The following YEATS2 variants were observed in gnomAD, a reference collection of about 807,000 sequenced individuals.
YEATS2 encodes YEATS domain-containing protein 2.
Under a neutral mutation model 163.2 loss-of-function variants are expected in YEATS2, and 77 were observed. That is an observed-to-expected ratio of 0.47 (90% confidence interval 0.39 to 0.57). The LOEUF (loss-of-function observed/expected upper bound fraction) is 0.57. Ranked by LOEUF, YEATS2 falls within the 20% of genes least tolerant of loss-of-function variation. The pLI, the probability that YEATS2 is intolerant of heterozygous loss-of-function variation, is 0.00. For missense variants in YEATS2, 1,549 were observed against 1,729.8 expected (o/e 0.90, Z 1.85); for synonymous variants, 631 against 645.1 (o/e 0.98, Z 0.33).
rs932731747 is a variant in YEATS2, at chr3:183,810,710, C to A, written c.*127C>A. 3 of 789,792 alleles carry A rather than the reference C, an allele frequency of 3.8e-6. No homozygotes were observed. Among genetic ancestry groups the A allele is most frequent in the Non-Finnish European group, 6.3e-6 (3 of 478,074 alleles). The allele number at this position is 789,792 out of a possible 1,614,324, so 48.9% of individuals were successfully genotyped here. On this transcript the variant is annotated 3_prime_UTR_variant, in exon 31 of 31. Transcript: ENST00000305135. ...CATGTCATGGCTACCCAACCTTTGC[C>A]GCTGCCTGTTCCCACGTGTCACCAG...
chr3:183,705,693 G>A (rs1714547204), intron 1 of YEATS2, among the ~76,000 whole-genome samples: 1 of 151,930 alleles, frequency 6.6e-6, no homozygotes, highest in Admixed American at 6.6e-5. Flanking sequence ...CTAATGTAAG[G>A]TAGTAGTTAT....
intron 1 of YEATS2, among the ~76,000 whole-genome samples, chr3:183,712,055 T>C (rs1261783723): frequency 6.6e-6 from 1 of 151,528 alleles, no homozygotes; most frequent in African/African-American, 2.4e-5. Context: ...CCTGACCTCA[T>C]GATCCGCCTA....
Position 183,719,267 on chromosome 3 carries a change from C to G in YEATS2, c.291+675C>G, listed in dbSNP as rs144345433. Among the ~76,000 whole-genome samples the G allele has an allele frequency of 1.5e-4, 22 of 151,590 alleles. No homozygotes were observed. In the East Asian group the frequency reaches 3.1e-3, roughly 21 times the overall value. Reference sequence around the variant, plus strand: ...TCTTCTGCCTCAGCCTCCCAAGTAGCTGGGATTACAGGCATGCGCCACCAT... The same window carrying G: ...TCTTCTGCCTCAGCCTCCCAAGTAGGTGGGATTACAGGCATGCGCCACCAT... On this transcript the variant is annotated intron_variant, in intron 4 of 30. Transcript: ENST00000305135.
chr3:183,727,306 G>A (rs1176284377), intron 6 of YEATS2, among the ~76,000 whole-genome samples: 1 of 152,126 alleles, frequency 6.6e-6, no homozygotes, highest in Non-Finnish European at 1.5e-5. Flanking sequence ...AAAGAGATAA[G>A]AAACTATTAA....
At chr3:183,725,242 G>A (rs560460886) in intron 6 of YEATS2, among the ~76,000 whole-genome samples, 2 of 152,076 alleles carry the variant, frequency 1.3e-5, no homozygotes, top group East Asian at 3.9e-4. Context: ...TAGAGAAGAG[G>A]CAGTATAATA....
rs1725928689 is a variant in YEATS2, at chr3:183,803,924, A to G, written c.3583-63A>G. The G allele has an allele frequency of 4.5e-6, 7 of 1,550,760 alleles. No homozygotes were observed. The South Asian group carries it at 8.0e-5, about 18-fold the overall frequency. ...TAGGATGGTGATTTATGGTTGCATGATACGTAGTTGTGTTAAGTGGAAGGA... is the reference window on the plus strand; with the variant it reads ...TAGGATGGTGATTTATGGTTGCATGGTACGTAGTTGTGTTAAGTGGAAGGA... On this transcript the variant is annotated intron_variant, in intron 26 of 30. Transcript: ENST00000305135.
intron 10 of YEATS2, 112 bp from the exon 11 acceptor site, chr3:183,754,014 A>G: frequency 7.5e-7 from 1 of 1,336,628 alleles, no homozygotes; most frequent in Admixed American, 2.5e-5. Flanking sequence ...TGCTACCAGT[A>G]CATGGTTTAA....
intron 1 of YEATS2, among the ~76,000 whole-genome samples, chr3:183,712,764 A>T (rs1423828942): frequency 4.1e-5 from 6 of 146,458 alleles, no homozygotes; most frequent in East Asian, 4.0e-4. Context: ...ACTAATACAA[A>T]TTTTTTTTTT....
In YEATS2 at chr3:183,777,639, C is replaced by G. The variant is rs756696764; in HGVS notation, c.2675C>G (p.Ser892Cys). 1 of 1,614,184 alleles carries G rather than the reference C, an allele frequency of 6.2e-7. No homozygotes were observed. Among genetic ancestry groups the G allele is most frequent in the South Asian group, 1.1e-5 (1 of 91,088 alleles). The change falls in exon 19 of 31, where the codon TCT (serine) becomes TGT (cysteine). Residue 892 changes from serine to cysteine, a missense_variant. Transcript: ENST00000305135. ...VQGTLGVSTS[S>C]AQGQQTLKVI... Reference sequence around the variant, plus strand: ...GGAACACTGGGAGTCAGCACATCTTCTGCACAAGGACAACAAACGCTAAAA... The same window carrying G: ...GGAACACTGGGAGTCAGCACATCTTGTGCACAAGGACAACAAACGCTAAAA...
chr3:183,790,492 G>T (rs1560319282), intron 20 of YEATS2, among the ~76,000 whole-genome samples: 1 of 152,122 alleles, frequency 6.6e-6, no homozygotes, highest in Non-Finnish European at 1.5e-5. Flanking sequence ...TGTCCTCCTA[G>T]TTTTTTGGTG....
intron 16 of YEATS2, among the ~76,000 whole-genome samples, chr3:183,772,773 ACACACC>A (rs1243422295): frequency 9.5e-4 from 144 of 151,518 alleles, no homozygotes; most frequent in African/African-American, 3.1e-3. Flanking sequence ...ACACACACAC[ACACACC>A]CACATACACA....
intron 27 of YEATS2, among the ~76,000 whole-genome samples, chr3:183,804,529 A>AC (rs937619541): frequency 3.3e-5 from 5 of 151,748 alleles, no homozygotes; most frequent in Admixed American, 2.0e-4. Context: ...CCTTAGGGAC[A>AC]CCCCCCATGC....
At chr3:183,722,184 A>G (rs750644764) in intron 5 of YEATS2, 48 bp downstream of exon 5, 9 of 1,586,710 alleles carry the variant, frequency 5.7e-6, no homozygotes, top group South Asian at 1.2e-5. Context: ...GAAGGGAACT[A>G]TATTTACTAA....
intron 12 of YEATS2, 31 bp from the exon 13 acceptor site, chr3:183,758,827 CTTTG>C (rs764498230): frequency 3.9e-5 from 54 of 1,379,346 alleles, no homozygotes; most frequent in East Asian, 7.0e-5. Flanking sequence ...GTAAATTTTA[CTTTG>C]TTTATGTTTT....
At position 183,773,691 on chromosome 3, in the gene YEATS2, T is replaced by C. The variant is rs1289894005; in HGVS notation, c.2265T>C (p.Pro755=). The C allele has an allele frequency of 1.2e-6, 2 of 1,612,504 alleles. No individual in the cohort carries two copies. The highest frequency in any genetic ancestry group is 1.7e-6 in the Non-Finnish European group (2 of 1,179,556). The part of the protein sequence containing the change: ...TNLANLANLP[P]GTKLYLTTNS... ...TGGCCAACTTGGCAAATTTGCCTCC[T>C]GGCACTAAACTCTACCTAACTACAA... The change falls in exon 17 of 31, where the codon CCT becomes CCC. Residue 755 remains proline, a synonymous_variant. Coordinates refer to ENST00000305135, the MANE Select transcript of YEATS2 (RefSeq NM_018023.5).
In YEATS2 at chr3:183,790,998, A is replaced by G; in HGVS notation, c.3097+18A>G. 1.2e-6 allele frequency: 2 copies of G among 1,604,974 alleles called. No homozygotes were observed. The highest frequency in any genetic ancestry group is 1.7e-6 in the Non-Finnish European group (2 of 1,173,626). ...AGTATCCGGTGAGTTGCATTGTGAT[A>G]TTATTTCTCTCTCTTTTCTCTCATT... On this transcript the variant is annotated intron_variant, in intron 21 of 30. Coordinates refer to ENST00000305135, the MANE Select transcript of YEATS2 (RefSeq NM_018023.5).
rs778079817 is a variant in YEATS2, at chr3:183,747,708, G to A, written c.961G>A (p.Ala321Thr). The change falls in exon 9 of 31, where the codon GCA becomes ACA. Residue 321 changes from alanine (A) to threonine (T), a missense_variant. Ala to Thr is a moderately conservative substitution (Grantham distance 58, BLOSUM62 0). Coordinates refer to ENST00000305135, the MANE Select transcript of YEATS2 (RefSeq NM_018023.5). ...RTYTGLQTLG[A>T]ETVVDVELHR... is the part of the protein sequence containing the mutation. ...TTATACTGGCTTGCAGACTCTTGGA[G>A]CAGAGACGGTAGGTTTTTTTCCTAC... is the stretch of plus-strand genomic sequence containing the variant. The A allele has an allele frequency of 1.9e-6, 3 of 1,612,982 alleles. No individual in the cohort carries two copies. The highest frequency in any genetic ancestry group is 2.5e-6 in the Non-Finnish European group (3 of 1,179,254).
intron 3 of YEATS2, 46 bp downstream of exon 3, chr3:183,717,794 A>G (rs759198548): frequency 1.1e-5 from 13 of 1,198,778 alleles, no homozygotes; most frequent in Non-Finnish European, 1.5e-5. Flanking sequence ...TATTGAAAAA[A>G]ATGTATACAT....
At position 183,724,484 on chromosome 3, in the gene YEATS2, T is replaced by C; in HGVS notation, c.603T>C (p.Thr201=). The part of the protein sequence containing the change: ...EQRNADLTDE[T]SRLFVKKTIV... ...GGAATGCTGATCTCACAGATGAGAC[T>C]TCACGACTTTTTGTAAAGAAAACAA... Residue 201 remains threonine (T), a synonymous_variant, in exon 6 of 31, where the codon ACT becomes ACC. Coordinates refer to ENST00000305135, the MANE Select transcript of YEATS2 (RefSeq NM_018023.5). 1.2e-6 allele frequency: 2 copies of C among 1,613,990 alleles called. No homozygotes were observed. Among genetic ancestry groups the C allele is most frequent in the Non-Finnish European group, 1.7e-6 (2 of 1,179,930 alleles).
Sources: allele counts gnomAD v4.1 joint callset (sites outside exome capture counted in the v4.1 genomes callset), GRCh38; gene constraint gnomAD v4.1.1; transcripts MANE v1.5; gene names NCBI Gene and HGNC (gene_info 2026-07-23, HGNC 2026-07-21).